TBC1D4: variants seen among roughly 807,000 people sequenced by gnomAD.
The protein encoded by TBC1D4 is TBC1 domain family member 4.
In TBC1D4, 121 loss-of-function variants were observed where a neutral mutation model predicts 142.5. That is an observed-to-expected ratio of 0.85 (90% confidence interval 0.73 to 0.99). The LOEUF (loss-of-function observed/expected upper bound fraction) is 0.99. TBC1D4 is among the 50% of genes least tolerant of loss of function. The pLI is 0.00. For missense variants in TBC1D4, 1,475 were observed against 1,606.6 expected (o/e 0.92, Z 1.40); for synonymous variants, 630 against 628.2 (o/e 1.00, Z -0.04).
chr13:75,452,474 A>T (rs940262890), intron 1 of TBC1D4, among the ~76,000 whole-genome samples: 6 of 152,214 alleles, frequency 3.9e-5, no homozygotes, highest in African/African-American at 1.4e-4. Context: ...GACATTAATT[A>T]AAAATGTGGG....
chr13:75,337,082 C>T, intron 7 of TBC1D4, 42 bp from the exon 8 acceptor site: 1 of 1,582,908 alleles, frequency 6.3e-7, no homozygotes, highest in Non-Finnish European at 8.7e-7. Context: ...TGGAAATACT[C>T]AAGGTTAAAT....
chr13:75,338,285 A>AG (rs1334436052), intron 7 of TBC1D4, among the ~76,000 whole-genome samples: 3 of 151,606 alleles, frequency 2.0e-5, no homozygotes, highest in African/African-American at 4.8e-5. Context: ...AGGAAAGGAG[A>AG]GGAAAAAAAA....
intron 14 of TBC1D4, 30 bp from the exon 15 acceptor site, chr13:75,306,501 A>G (rs1362038890): frequency 2.5e-6 from 4 of 1,611,104 alleles, no homozygotes; most frequent in South Asian, 1.1e-5. Context: ...ACGTAAGACC[A>G]ATGTGTTTTT....
chr13:75,357,004 A>C (rs1295174847), intron 3 of TBC1D4, among the ~76,000 whole-genome samples: 2 of 152,200 alleles, frequency 1.3e-5, no homozygotes, highest in Non-Finnish European at 2.9e-5. Flanking sequence ...CCTAAATCCA[A>C]GTGAAAAGGA....
At chr13:75,387,768 A>C (rs1884259837) in intron 1 of TBC1D4, among the ~76,000 whole-genome samples, 1 of 152,214 alleles carries the variant, frequency 6.6e-6, no homozygotes, top group Admixed American at 6.5e-5. Context: ...ACATTTTGTT[A>C]TGAGTCACTC....
At chr13:75,399,932 A>G (rs1189675910) in intron 1 of TBC1D4, among the ~76,000 whole-genome samples, 1 of 152,128 alleles carries the variant, frequency 6.6e-6, no homozygotes, top group African/African-American at 2.4e-5. Context: ...AGGTCATGCT[A>G]GCGTTGGGGA....
Position 75,327,488 on chromosome 13 carries a change from G to A in TBC1D4, c.1806+264C>T, listed in dbSNP as rs186965854. ...TATGGCTCATTTTTTATAAGGCATTGGATCAATAGTTGCTCAAATACTGTT... is the reference window on the plus strand; with the variant it reads ...TATGGCTCATTTTTTATAAGGCATTAGATCAATAGTTGCTCAAATACTGTT... On this transcript the variant is annotated intron_variant, in intron 9 of 20. Coordinates refer to ENST00000377636, the MANE Select transcript of TBC1D4 (RefSeq NM_014832.5). Among the ~76,000 whole-genome samples the A allele has an allele frequency of 2.0e-4, 30 of 152,222 alleles. 1 individual carries two copies. In the East Asian group the frequency reaches 5.4e-3, roughly 27 times the overall value.
intron 8 of TBC1D4, among the ~76,000 whole-genome samples, chr13:75,333,024 A>T (rs777249156): frequency 6.6e-6 from 1 of 152,240 alleles, no homozygotes; most frequent in Non-Finnish European, 1.5e-5. Flanking sequence ...TAAAAACAAT[A>T]CACATTTGCA....
chr13:75,410,832 A>T (rs1428835726), intron 1 of TBC1D4, among the ~76,000 whole-genome samples: 1 of 144,334 alleles, frequency 6.9e-6, no homozygotes, highest in Non-Finnish European at 1.5e-5. Context: ...GCTACTCGGG[A>T]GGCTGAGGCA....
At position 75,424,011 on chromosome 13, in the gene TBC1D4, G is replaced by C. The variant is rs148359350; in HGVS notation, c.498+57259C>G. Among the ~76,000 whole-genome samples, 522 of 152,270 alleles carry C rather than the reference G, an allele frequency of 3.4e-3. 10 individuals are homozygous for C. Among genetic ancestry groups the C allele is most frequent in the African/African-American group, 0.012 (502 of 41,536 alleles). ...AGTTTGAAAAAATTATGAGTCGCAC[G>C]CTCATGCCTATCATCCCAGCACTTG... On this transcript the variant is annotated intron_variant, in intron 1 of 20. Coordinates refer to ENST00000377636, the MANE Select transcript of TBC1D4 (RefSeq NM_014832.5).
chr13:75,325,907 G>A (rs756511665), intron 10 of TBC1D4, among the ~76,000 whole-genome samples: 6 of 152,146 alleles, frequency 3.9e-5, no homozygotes, highest in Non-Finnish European at 7.4e-5. Context: ...TGCGTAACGT[G>A]TTATCAGCAG....
intron 1 of TBC1D4, among the ~76,000 whole-genome samples, chr13:75,390,373 A>G (rs1041547991): frequency 9.9e-5 from 15 of 152,044 alleles, no homozygotes; most frequent in African/African-American, 3.4e-4. Context: ...GTCTGGGTCC[A>G]GGAGATTAGG....
intron 4 of TBC1D4, among the ~76,000 whole-genome samples, chr13:75,354,932 T>C (rs1881920097): frequency 6.6e-6 from 1 of 152,108 alleles, no homozygotes; most frequent in Non-Finnish European, 1.5e-5. Context: ...TATCAACATG[T>C]GGATATTGCA....
intron 4 of TBC1D4, among the ~76,000 whole-genome samples, chr13:75,349,565 T>C (rs1014663813): frequency 2.0e-5 from 3 of 152,224 alleles, no homozygotes; most frequent in African/African-American, 4.8e-5. Context: ...TATTTTCAAA[T>C]TGCATTGAGG....
chr13:75,304,609 C>A (rs1876963549), intron 15 of TBC1D4, among the ~76,000 whole-genome samples: 1 of 152,024 alleles, frequency 6.6e-6, no homozygotes, highest in Admixed American at 6.6e-5. Flanking sequence ...GGGTGGTGCT[C>A]TGAGGAAATG....
At chr13:75,455,583 T>C (rs568420500) in intron 1 of TBC1D4, among the ~76,000 whole-genome samples, 1 of 152,194 alleles carries the variant, frequency 6.6e-6, no homozygotes, top group African/African-American at 2.4e-5. Flanking sequence ...AAATATATAC[T>C]TTTTTTAATT....
At chr13:75,451,530 T>C (rs1011162243) in intron 1 of TBC1D4, among the ~76,000 whole-genome samples, 1 of 149,898 alleles carries the variant, frequency 6.7e-6, no homozygotes, top group African/African-American at 2.4e-5. Flanking sequence ...ATATAAAAAA[T>C]GTAGCCAGGC....
intron 1 of TBC1D4, among the ~76,000 whole-genome samples, chr13:75,422,427 C>T (rs1035012711): frequency 6.6e-6 from 1 of 152,126 alleles, no homozygotes; most frequent in Non-Finnish European, 1.5e-5. Context: ...TTGAAAAACA[C>T]ATTACTCTGG....
chr13:75,374,054 A>G (rs1043470128), intron 1 of TBC1D4, among the ~76,000 whole-genome samples: 1 of 152,206 alleles, frequency 6.6e-6, no homozygotes, highest in East Asian at 1.9e-4. Flanking sequence ...AATCAGATTA[A>G]TAAATATAAT....
Sources: allele counts gnomAD v4.1 joint callset (sites outside exome capture counted in the v4.1 genomes callset), GRCh38; gene constraint gnomAD v4.1.1; transcripts MANE v1.5; gene names NCBI Gene and HGNC (gene_info 2026-07-23, HGNC 2026-07-21).